Variants in PPFIA3 observed in about 807,000 individuals in gnomAD.
PPFIA3 encodes PPFI scaffold protein A3, also known as liprin-alpha-3.
A neutral mutation model predicts 145.8 loss-of-function variants in PPFIA3; 26 were observed. The ratio of observed to expected loss-of-function variants is 0.18; its 90% CI spans 0.13 to 0.25. The LOEUF (loss-of-function observed/expected upper bound fraction) is 0.25, where lower values mean the gene tolerates loss of function less well. PPFIA3 is among the 10% of genes least tolerant of loss of function. The pLI is 1.00. For synonymous variants in PPFIA3, 645 were observed against 661.4 expected (o/e 0.98, Z 0.38); for missense variants, 1,008 against 1,587.8 (o/e 0.63, Z 6.21).
Position 49,148,853 on chromosome 19 carries a change from C to G in PPFIA3, c.3109+90C>G, listed in dbSNP as rs900507445. 4.6e-6 allele frequency: 7 copies of G among 1,509,458 alleles called. No homozygotes were observed. The East Asian group carries it at 1.4e-4, about 30-fold the overall frequency. 93.5% of individuals were successfully genotyped at this position (1,509,458 alleles called of 1,614,324 possible). A position where few individuals can be genotyped will look rare whatever the true frequency, so the allele number is the denominator to read the frequency against. ...AGGGGGTAGGGGGAGACCGGAGAAGCAAATTGGCACCATAACCGTGGGGGT... is the reference window on the plus strand; with the variant it reads ...AGGGGGTAGGGGGAGACCGGAGAAGGAAATTGGCACCATAACCGTGGGGGT... On this transcript the variant is annotated intron_variant, in intron 25 of 29. Coordinates refer to ENST00000334186, the MANE Select transcript of PPFIA3 (RefSeq NM_003660.4).
At chr19:49,136,399 G>T (rs1015386832) in intron 14 of PPFIA3, among the ~76,000 whole-genome samples, 6 of 152,148 alleles carry the variant, frequency 3.9e-5, no homozygotes, top group Admixed American at 1.3e-4. Context: ...GAGTTCGACA[G>T]CAGCCTTGCC....
rs546213314 is a variant in PPFIA3 at position 49,124,113 on chromosome 19, A to G, written c.-15-3746A>G. ...AAGTTCCAAGCAAACTCTTAGACAC[A>G]TGATAAAACCAAGGATGTGACTCCT... On this transcript the variant is annotated intron_variant, in intron 1 of 29. Coordinates refer to ENST00000334186, the MANE Select transcript of PPFIA3 (RefSeq NM_003660.4). Among the ~76,000 whole-genome samples the G allele has an allele frequency of 1.4e-4, 21 of 152,110 alleles. No homozygotes were observed. The East Asian group carries it at 3.9e-3, about 28-fold the overall frequency.
At position 49,130,706 on chromosome 19, in the gene PPFIA3, G is replaced by A; in HGVS notation, c.879+107G>A. 1 of 917,182 alleles carries A rather than the reference G, an allele frequency of 1.1e-6. No homozygotes were observed. Among genetic ancestry groups the A allele is most frequent in the South Asian group, 1.7e-5 (1 of 58,542 alleles). The allele number at this position is 917,182 out of a possible 1,614,324, so 56.8% of individuals were successfully genotyped here. On this transcript the variant is annotated intron_variant, in intron 7 of 29. Transcript: ENST00000334186. This position sits in a 1 kb window ranked among gnomAD's most constrained non-coding sequence, Gnocchi z 4.5. ...GGAACCTCGATTCAGTCCACAGGCT[G>A]GGTGACTCCTCTTTGAGATTCAGTT... is the stretch of plus-strand genomic sequence containing the variant.
Position 49,141,579 on chromosome 19 carries a change from T to TGC in PPFIA3, c.2462+67_2462+68insCG, listed in dbSNP as rs1360585769. The TGC allele has an allele frequency of 1.1e-4, 115 of 1,081,054 alleles. 1 individual carries two copies. The highest frequency in any genetic ancestry group is 1.0e-3 in the South Asian group (74 of 71,652). 67.0% of individuals were successfully genotyped at this position (1,081,054 alleles called of 1,614,324 possible). On this transcript the variant is annotated intron_variant, in intron 19 of 29. Coordinates refer to ENST00000334186, the MANE Select transcript of PPFIA3 (RefSeq NM_003660.4). ...ATGTGAGAGTGTGTGAGGGTGTGTG[T>TGC]GTGCGTGTATGTGTGTGTATGAGTG...
rs771352752 is a variant in PPFIA3 at position 49,148,747 on chromosome 19, T to C, written c.3093T>C (p.Ser1031=). The change falls in exon 25 of 30, where the codon AGT becomes AGC. Residue 1031 remains serine, a synonymous_variant. Coordinates refer to ENST00000334186, the MANE Select transcript of PPFIA3 (RefSeq NM_003660.4). The stretch of plus-strand genomic sequence containing the variant: ...ACCTGGAGCGGAGGCGGGAAGAAAG[T>C]CAGACCCAGATCCGAGGTGAGTAGA... ...RKDLERRREE[S]QTQIRDVMVW... 1 of 1,613,528 alleles carries C rather than the reference T, an allele frequency of 6.2e-7. No individual in the cohort carries two copies. Among genetic ancestry groups the C allele is most frequent in the East Asian group, 2.2e-5 (1 of 44,856 alleles).
chr19:49,135,039 G>T (rs2016329), intron 13 of PPFIA3, 124 bp downstream of exon 13: 145,866 of 505,206 alleles, frequency 0.29, 16,847 homozygotes, highest in Non-Finnish European at 0.35. Context: ...TTTGTTTTTT[G>T]TTTGTTTGTT....
intron 4 of PPFIA3, 62 bp from the exon 5 acceptor site, chr19:49,129,318 G>A: frequency 3.3e-6 from 5 of 1,515,064 alleles, no homozygotes; most frequent in Non-Finnish European, 4.5e-6. Context: ...TTCTGGACCA[G>A]GGGCAACTGT....
In PPFIA3 at chr19:49,150,985, GC is replaced by G; in HGVS notation, c.*764del. 1 of 281,344 alleles carries G rather than the reference GC, an allele frequency of 3.6e-6. No homozygotes were observed. Among genetic ancestry groups the G allele is most frequent in the Non-Finnish European group, 6.6e-6 (1 of 151,252 alleles). The allele number at this position is 281,344 out of a possible 1,614,324, so 17.4% of individuals were successfully genotyped here. A position where few individuals can be genotyped will look rare whatever the true frequency, so the allele number is the denominator to read the frequency against. On this transcript the variant is annotated 3_prime_UTR_variant, in exon 30 of 30. Transcript: ENST00000334186. Reference sequence around the variant, plus strand: ...CTCTCGGTCGGCCTCCCCGCCCCAGGCGTCACTCAGTGATCACGGGTAAAGA... The same window carrying G: ...CTCTCGGTCGGCCTCCCCGCCCCAGGGTCACTCAGTGATCACGGGTAAAGA...
Position 49,128,997 on chromosome 19 carries a change from G to A in PPFIA3, c.492G>A (p.Lys164=), listed in dbSNP as rs2041037356. Residue 164 remains lysine, a synonymous_variant, in exon 4 of 30, where the codon AAG becomes AAA. Coordinates refer to ENST00000334186, the MANE Select transcript of PPFIA3 (RefSeq NM_003660.4). This position sits in a 1 kb window ranked among gnomAD's most constrained non-coding sequence, Gnocchi z 4.1. Reference sequence around the variant, plus strand: ...TAAAGTCTCTCTTCGAGCACCACAAGGCCCTGGATGAGAAGGTATGAGAAT... The same window carrying A: ...TAAAGTCTCTCTTCGAGCACCACAAAGCCCTGGATGAGAAGGTATGAGAAT... ...KALKSLFEHH[K]ALDEKVRERL... 6.3e-7 allele frequency: 1 copy of A among 1,598,650 alleles called. No homozygotes were observed. Among genetic ancestry groups the A allele is most frequent in the Non-Finnish European group, 8.5e-7 (1 of 1,172,114 alleles).
At chr19:49,121,134 T>G (rs557902418) in intron 1 of PPFIA3, among the ~76,000 whole-genome samples, 54 of 152,182 alleles carry the variant, frequency 3.5e-4, no homozygotes, top group Non-Finnish European at 6.9e-4. Context: ...ATGCAGCTTG[T>G]TGAGATGTTT....
At chr19:49,125,990 C>T (rs933484832) in intron 1 of PPFIA3, among the ~76,000 whole-genome samples, 2 of 151,172 alleles carry the variant, frequency 1.3e-5, no homozygotes, top group Non-Finnish European at 2.9e-5. Context: ...CTCTCTATAT[C>T]GCCAAGCTGG....
At chr19:49,145,872 G>C in intron 21 of PPFIA3, 71 bp from the exon 22 acceptor site, 1 of 1,411,244 alleles carries the variant, frequency 7.1e-7, no homozygotes, top group Non-Finnish European at 1.0e-6. Context: ...GGGCCTTCAG[G>C]AGGACACCCT....
chr19:49,150,074 C>T lies in PPFIA3; in HGVS notation c.3527-6C>T. ...CAGGCTGAACCGCTGCTCGCTCTCC[C>T]TCCAGGCCAGACTTCTGGGAGTTCC... On this transcript the variant is annotated splice_polypyrimidine_tract_variant and splice_region_variant and intron_variant, in intron 28 of 29. Transcript: ENST00000334186. 1 of 1,607,876 alleles carries T rather than the reference C, an allele frequency of 6.2e-7. No homozygotes were observed. The highest frequency in any genetic ancestry group is 1.1e-5 in the South Asian group (1 of 89,248).
intron 23 of PPFIA3, 88 bp from the exon 24 acceptor site, chr19:49,147,995 G>T (rs2041300228): frequency 7.2e-7 from 1 of 1,386,070 alleles, no homozygotes; most frequent in South Asian, 1.4e-5. Flanking sequence ...AAAAAACCTT[G>T]GATTGGGAGG....
In PPFIA3 at chr19:49,150,265, C is replaced by T. The variant is rs928578286; in HGVS notation, c.*43C>T. On this transcript the variant is annotated 3_prime_UTR_variant, in exon 30 of 30. Coordinates refer to ENST00000334186, the MANE Select transcript of PPFIA3 (RefSeq NM_003660.4). ...CCTCACTCGGACGGAAGAATCTTCC[C>T]GAGGCTGGGCTGTTCCCTCTCCTGC... 31 of 1,013,744 alleles carry T rather than the reference C, an allele frequency of 3.1e-5. No homozygotes were observed. The highest frequency in any genetic ancestry group is 3.9e-5 in the Non-Finnish European group (27 of 697,584). 62.8% of individuals were successfully genotyped at this position (1,013,744 alleles called of 1,614,324 possible).
rs1462458750 is a variant in PPFIA3, at chr19:49,140,143, C to A, written c.2368+55C>A. 1.5e-5 allele frequency: 24 copies of A among 1,569,666 alleles called. No homozygotes were observed. In the South Asian group the frequency reaches 1.9e-4, roughly 12 times the overall value. ...TTTGTTCCTTCCTCCCTTCCTCCCTCCCTTTCTTTCTTCTTTGTATGTTCA... is the reference window on the plus strand; with the variant it reads ...TTTGTTCCTTCCTCCCTTCCTCCCTACCTTTCTTTCTTCTTTGTATGTTCA... On this transcript the variant is annotated intron_variant, in intron 18 of 29. Coordinates refer to ENST00000334186, the MANE Select transcript of PPFIA3 (RefSeq NM_003660.4).
In PPFIA3 at chr19:49,120,490, G is replaced by A. The variant is rs1255476648; in HGVS notation, c.-16+768G>A. Among the ~76,000 whole-genome samples, 1 of 152,088 alleles carries A rather than the reference G, an allele frequency of 6.6e-6. No individual in the cohort carries two copies. Among genetic ancestry groups the A allele is most frequent in the African/African-American group, 2.4e-5 (1 of 41,408 alleles). On this transcript the variant is annotated intron_variant, in intron 1 of 29. Coordinates refer to ENST00000334186, the MANE Select transcript of PPFIA3 (RefSeq NM_003660.4). This position sits in a 1 kb window ranked among gnomAD's most constrained non-coding sequence, Gnocchi z 4.6. ...CACCCGGGGATGCAGCTCCCACCCC[G>A]TTCGGGAAGCCTGTCCGTGTCTACA...
chr19:49,135,199 A>G (rs1808389), intron 13 of PPFIA3, among the ~76,000 whole-genome samples: 2,314 of 151,714 alleles, frequency 0.015, 39 homozygotes, highest in Non-Finnish European at 0.026. Context: ...GCACCACCAC[A>G]GCCGGCTAAT....
At chr19:49,148,807 G>A in intron 25 of PPFIA3, 44 bp downstream of exon 25, 5 of 1,576,744 alleles carry the variant, frequency 3.2e-6, no homozygotes, top group African/African-American at 1.3e-5. Context: ...GGTGGAGGGC[G>A]TGGAGCTGGA....
Sources: allele counts gnomAD v4.1 joint callset (sites outside exome capture counted in the v4.1 genomes callset), GRCh38; gene constraint gnomAD v4.1.1; non-coding constraint Gnocchi (gnomAD v3.1); transcripts MANE v1.5; gene names NCBI Gene and HGNC (gene_info 2026-07-23, HGNC 2026-07-21).